The following UBE3D variants were observed in gnomAD, a reference collection of about 807,000 sequenced individuals.
The protein encoded by UBE3D is E3 ubiquitin-protein ligase E3D.
Under a neutral mutation model 49.6 loss-of-function variants are expected in UBE3D, and 48 were observed. That is an observed-to-expected ratio of 0.97 (90% CI 0.77 to 1.23). UBE3D has a LOEUF of 1.23. UBE3D is among the 50% of genes most tolerant of loss of function. The pLI is 0.00. For synonymous variants in UBE3D, 189 were observed against 174.2 expected (o/e 1.08, Z -0.67); for missense variants, 452 against 468.4 (o/e 0.96, Z 0.32).
At chr6:82,966,795 G>A (rs1776969825) in intron 8 of UBE3D, among the ~76,000 whole-genome samples, 1 of 152,018 alleles carries the variant, frequency 6.6e-6, no homozygotes, top group Admixed American at 6.6e-5. Context: ...GATCTATTCA[G>A]CTCTTTCTTA....
chr6:82,901,448 T>C (rs915251361), intron 9 of UBE3D, among the ~76,000 whole-genome samples: 3 of 152,188 alleles, frequency 2.0e-5, no homozygotes, highest in Non-Finnish European at 2.9e-5. Context: ...GGCAAATTAC[T>C]GTGCCCACTC....
At position 82,912,094 on chromosome 6, in the gene UBE3D, T is replaced by C. The variant is rs73475800; in HGVS notation, c.1150-19052A>G. 8.8e-3 allele frequency among the ~76,000 whole-genome samples: 1,339 copies of C among 152,290 alleles called. 22 individuals carry two copies. Among genetic ancestry groups the C allele is most frequent in the African/African-American group, 0.03 (1,264 of 41,550 alleles). On this transcript the variant is annotated intron_variant, in intron 9 of 9. Transcript: ENST00000369747. ...AAGTTCTGATAAGGATTAGAACCCA[T>C]TCTTTGGCTCCAACAGAGCTACTCA...
chr6:82,962,846 T>C (rs973225624), intron 8 of UBE3D, among the ~76,000 whole-genome samples: 1 of 152,194 alleles, frequency 6.6e-6, no homozygotes, highest in African/African-American at 2.4e-5. Context: ...AGGCAAATGA[T>C]AGGGTAAATT....
intron 8 of UBE3D, among the ~76,000 whole-genome samples, chr6:82,985,008 CTTTTTTTTTT>C (rs70987727): frequency 9.4e-5 from 5 of 52,998 alleles, no homozygotes; most frequent in African/African-American, 1.5e-4. Context: ...TCTTCTTCTT[CTTTTTTTTTT>C]TTTTTTTTTT....
intron 8 of UBE3D, among the ~76,000 whole-genome samples, chr6:82,995,509 C>CACACACACACACAT (rs1378432861): frequency 6.7e-6 from 1 of 149,720 alleles, no homozygotes; most frequent in Non-Finnish European, 1.5e-5. Context: ...CACACACACA[C>CACACACACACACAT]ACACACAGTC....
chr6:82,924,708 CATTT>C (rs940705526), intron 9 of UBE3D: 3 of 152,124 alleles, frequency 2.0e-5, no homozygotes, highest in African/African-American at 7.2e-5. Context: ...TAAATAACAT[CATTT>C]GTTTCCTTTA....
intron 9 of UBE3D, among the ~76,000 whole-genome samples, chr6:82,899,861 A>G (rs952775011): frequency 6.6e-6 from 1 of 150,962 alleles, no homozygotes; most frequent in Non-Finnish European, 1.5e-5. Context: ...TTTACTAATG[A>G]GAGCAAACCG....
intron 8 of UBE3D, chr6:83,017,114 G>C (rs1249517290): frequency 6.6e-6 from 1 of 152,042 alleles, no homozygotes; most frequent in Non-Finnish European, 1.5e-5. Flanking sequence ...CAGCAAATTA[G>C]AATGAAATAA....
In UBE3D at chr6:83,019,083, T is replaced by C. The variant is rs779497359; in HGVS notation, c.900A>G (p.Lys300=). The change falls in exon 8 of 10, where the codon AAA becomes AAG. Residue 300 remains lysine, a synonymous_variant. Coordinates refer to ENST00000369747, the MANE Select transcript of UBE3D (RefSeq NM_198920.3). ...CCAACAAGGGGAATTTTTTGATATA[T>C]TTGGAATTTCTCAAAGATTCAATCA... The part of the protein sequence containing the change: ...SLVIESLRNS[K]YIKKFPLLEN... 4 of 1,613,934 alleles carry C rather than the reference T, an allele frequency of 2.5e-6. No homozygotes were observed. Among genetic ancestry groups the C allele is most frequent in the South Asian group, 1.1e-5 (1 of 91,050 alleles).
At chr6:82,927,579 C>T (rs147277386) in intron 9 of UBE3D, among the ~76,000 whole-genome samples, 1 of 152,022 alleles carries the variant, frequency 6.6e-6, no homozygotes, top group African/African-American at 2.4e-5. Flanking sequence ...AGATCTTATA[C>T]ATATTTTGCT....
intron 7 of UBE3D, 29 bp downstream of exon 7, chr6:83,022,424 A>T (rs370214194): frequency 2.1e-5 from 30 of 1,449,324 alleles, no homozygotes; most frequent in Admixed American, 4.6e-5. Context: ...TTCCTAGGCT[A>T]CAAAAAGCTG....
At chr6:83,040,839 G>T (rs893324880) in intron 4 of UBE3D, among the ~76,000 whole-genome samples, 2 of 152,196 alleles carry the variant, frequency 1.3e-5, no homozygotes, top group African/African-American at 2.4e-5. Context: ...CTCAGAGCCT[G>T]ACCCAGGTGG....
intron 3 of UBE3D, 81 bp downstream of exon 3, chr6:83,054,067 C>T (rs1783651114): frequency 9.8e-6 from 12 of 1,224,212 alleles, no homozygotes; most frequent in African/African-American, 1.5e-5. Flanking sequence ...ACTCCATTGG[C>T]AATTACTTGA....
At chr6:82,891,068 C>A (rs1283567958), downstream of UBE3D, among the ~76,000 whole-genome samples, 1 of 152,068 alleles carries the variant, frequency 6.6e-6, no homozygotes, top group Non-Finnish European at 1.5e-5. Flanking sequence ...AAAAAAATAG[C>A]ATACTAAGCT....
the UBE3D span, among the ~76,000 whole-genome samples, chr6:82,880,970 C>A: frequency 1.6e-3 from 241 of 152,198 alleles, 12 homozygotes; most frequent in South Asian, 0.048. Flanking sequence ...ACTGGAGTTT[C>A]TTTTATAAGG....
chr6:82,939,372 C>T (rs532632772), intron 9 of UBE3D, among the ~76,000 whole-genome samples: 2 of 152,300 alleles, frequency 1.3e-5, no homozygotes, highest in South Asian at 4.2e-4. Flanking sequence ...AAAACCCATA[C>T]CACATCGTCT....
the UBE3D span, among the ~76,000 whole-genome samples, chr6:82,885,742 T>C: frequency 1.3e-5 from 2 of 152,176 alleles, no homozygotes; most frequent in Non-Finnish European, 2.9e-5. Flanking sequence ...TGCAGGTTCA[T>C]GATGGCATTC....
chr6:83,041,265 C>G (rs868526342), intron 4 of UBE3D, among the ~76,000 whole-genome samples: 1 of 152,090 alleles, frequency 6.6e-6, no homozygotes, highest in African/African-American at 2.4e-5. Flanking sequence ...TTCAAGGGGG[C>G]AGGAGAAGTG....
intron 9 of UBE3D, among the ~76,000 whole-genome samples, chr6:82,918,523 C>T (rs569756840): frequency 2.4e-4 from 37 of 152,160 alleles, no homozygotes; most frequent in African/African-American, 8.2e-4. Flanking sequence ...AGACAGGTTC[C>T]TAGTAGCTTA....
Sources: gnomAD v4.1 joint callset for allele counts (sites outside exome capture counted in the v4.1 genomes callset) on GRCh38, gnomAD v4.1.1 for gene constraint, MANE v1.5 for transcripts, NCBI Gene and HGNC (gene_info 2026-07-23, HGNC 2026-07-21) for gene names.